The following BBX variants were observed in gnomAD, a reference collection of about 807,000 sequenced individuals.
The protein encoded by BBX is HMG box transcription factor BBX.
BBX carries 30 observed loss-of-function variants against 100.2 expected under a neutral mutation model. The observed-to-expected ratio is 0.30, with a 90% CI of 0.22 to 0.41. The LOEUF is 0.41. Ranked by LOEUF, BBX falls within the 10% of genes least tolerant of loss-of-function variation. The probability of loss-of-function intolerance (pLI) is 1.00; values close to 1 mark genes in which losing one functional copy is unlikely to be tolerated. For synonymous variants in BBX, 376 were observed against 388.1 expected, an observed-to-expected ratio of 0.97 and a Z score of 0.37; for missense variants, 1,023 against 1,129.8, an observed-to-expected ratio of 0.91 and a Z score of 1.35.
intron 3 of BBX, among the ~76,000 whole-genome samples, chr3:107,701,064 A>G (rs1246932269): frequency 6.6e-6 from 1 of 151,964 alleles, no homozygotes; most frequent in African/African-American, 2.4e-5. Flanking sequence ...CCAACAGTGT[A>G]AAAGTGTTCC....
At chr3:107,524,005 CAGAGAGAGAG>C (rs1002857843) in intron 1 of BBX, 2 of 144,598 alleles carry the variant, frequency 1.4e-5, no homozygotes, top group African/African-American at 5.2e-5. Flanking sequence ...GAGAGGGAGA[CAGAGAGAGAG>C]GGAGAGAGAG....
chr3:107,588,923 C>T (rs1275203701), intron 2 of BBX, among the ~76,000 whole-genome samples: 2 of 152,188 alleles, frequency 1.3e-5, no homozygotes, highest in Non-Finnish European at 2.9e-5. Context: ...CTAATCAACA[C>T]CCATGAATAT....
rs1273438441 is a variant in BBX at position 107,575,314 on chromosome 3, A to G, written c.-84+48916A>G. ...AATGATGAGCTATTACTAAATTTAG[A>G]AAATAATTAATATCAGTTCAGATTT... is the stretch of plus-strand genomic sequence containing the variant. On this transcript the variant is annotated intron_variant, in intron 2 of 17. Transcript: ENST00000325805. 2.6e-5 allele frequency among the ~76,000 whole-genome samples: 4 copies of G among 152,224 alleles called. 1 individual carries two copies. The highest frequency in any genetic ancestry group is 3.8e-4 in the East Asian group (2 of 5,204).
intron 12 of BBX, 132 bp from the exon 13 acceptor site, chr3:107,778,239 C>A: frequency 8.9e-7 from 1 of 1,117,862 alleles, no homozygotes; most frequent in East Asian, 2.5e-5. Context: ...TGTTTTTTTC[C>A]TTGCACAGAA....
intron 17 of BBX, among the ~76,000 whole-genome samples, chr3:107,802,895 C>G (rs568102659): frequency 6.6e-6 from 1 of 152,186 alleles, no homozygotes; most frequent in African/African-American, 2.4e-5. Context: ...CCCTAGTCCC[C>G]GGTCCTCTTC....
rs1329555835 is a variant in BBX at position 107,772,981 on chromosome 3, T to C, written c.1260T>C (p.Ser420=). Residue 420 remains serine, a synonymous_variant, in exon 11 of 18, where the codon AGT becomes AGC. Coordinates refer to ENST00000325805, the MANE Select transcript of BBX (RefSeq NM_001142568.3). ...SYSASSKIII[S]DVPSRKDHMC... is the part of the protein sequence containing the mutation. ...CTGCCAGTAGCAAGATAATAATTAG[T>C]GATGTTCCCAGTAGAAAGGATCATA... 6.2e-7 allele frequency: 1 copy of C among 1,613,804 alleles called. No individual in the cohort carries two copies. Among genetic ancestry groups the C allele is most frequent in the African/African-American group, 1.3e-5 (1 of 74,872 alleles).
chr3:107,801,169 C>T lies in BBX; in HGVS notation c.2626C>T (p.His876Tyr). The T allele has an allele frequency of 6.2e-7, 1 of 1,614,222 alleles. No individual in the cohort carries two copies. Among genetic ancestry groups the T allele is most frequent in the Non-Finnish European group, 8.5e-7 (1 of 1,180,032 alleles). ...GACAGACTGCAATGACAAATGCTCA[C>T]ACAACACCGAGGTCGGGGAGACGCG... ...TETDCNDKCSHNTEVGETRSS... is the reference protein window; with the variant it reads ...TETDCNDKCSYNTEVGETRSS... The change falls in exon 17 of 18, where the codon CAC becomes TAC. Residue 876 changes from histidine (H) to tyrosine (Y), a missense_variant. Around this residue, in one of 9 missense-constraint regions of BBX, gnomAD observed 104 missense variants for 132.2 expected, o/e 0.79. Transcript: ENST00000325805.
At chr3:107,565,026 C>T (rs943099505) in intron 2 of BBX, among the ~76,000 whole-genome samples, 1 of 152,092 alleles carries the variant, frequency 6.6e-6, no homozygotes, top group Non-Finnish European at 1.5e-5. Flanking sequence ...AGTTTTTTTC[C>T]TACAAATCTC....
intron 3 of BBX, among the ~76,000 whole-genome samples, chr3:107,651,403 A>G (rs1490714183): frequency 6.6e-6 from 1 of 152,196 alleles, no homozygotes; most frequent in Non-Finnish European, 1.5e-5. Context: ...AATTAAGTCT[A>G]AGAACTTGAA....
chr3:107,565,920 T>C, intron 2 of BBX, among the ~76,000 whole-genome samples: 1 of 151,810 alleles, frequency 6.6e-6, no homozygotes, highest in Non-Finnish European at 1.5e-5. Context: ...ACACCTATAA[T>C]CCTAGCACTT....
intron 2 of BBX, among the ~76,000 whole-genome samples, chr3:107,568,265 ATTT>A (rs36099700): frequency 1.5e-5 from 2 of 131,524 alleles, no homozygotes; most frequent in Non-Finnish European, 3.2e-5. Context: ...ATTTTCTGCT[ATTT>A]TTTTTTTTTT....
At position 107,612,463 on chromosome 3, in the gene BBX, A is replaced by C. The variant is rs565387204; in HGVS notation, c.-83-33373A>C. ...TTGTATCTGTATTAGGGGGCACCTC[A>C]AGCTTAGCAATGCTGTGGTTCTTGC... On this transcript the variant is annotated intron_variant, in intron 2 of 17. Transcript: ENST00000325805. 8.5e-5 allele frequency among the ~76,000 whole-genome samples: 13 copies of C among 152,276 alleles called. No individual in the cohort carries two copies. In the East Asian group the frequency reaches 2.3e-3, roughly 27 times the overall value.
intron 10 of BBX, among the ~76,000 whole-genome samples, chr3:107,759,890 GT>G (rs2065762412): frequency 6.6e-6 from 1 of 152,130 alleles, no homozygotes; most frequent in Admixed American, 6.5e-5. Flanking sequence ...AATTTTGAAT[GT>G]TCTTTAAAAT....
chr3:107,684,675 G>C (rs1041762197), intron 3 of BBX: 2 of 152,182 alleles, frequency 1.3e-5, no homozygotes, highest in Non-Finnish European at 2.9e-5. Context: ...TGAGAGTGGG[G>C]TGCCTAACTG....
At chr3:107,683,320 G>A (rs1036262669) in intron 3 of BBX, among the ~76,000 whole-genome samples, 6 of 152,104 alleles carry the variant, frequency 3.9e-5, no homozygotes, top group African/African-American at 1.4e-4. Context: ...GTGATGTGGT[G>A]TAAACTTGTA....
At chr3:107,577,951 G>GAA (rs918804930) in intron 2 of BBX, among the ~76,000 whole-genome samples, 2 of 152,048 alleles carry the variant, frequency 1.3e-5, no homozygotes, top group African/African-American at 4.8e-5. Context: ...GAAGTAGGGG[G>GAA]AAAAAAACCC....
Position 107,773,599 on chromosome 3 carries a change from G to A in BBX, c.1878G>A (p.Glu626=), listed in dbSNP as rs767458333. 132 of 1,613,412 alleles carry A rather than the reference G, an allele frequency of 8.2e-5. No homozygotes were observed. The highest frequency in any genetic ancestry group is 6.7e-5 in the Admixed American group (4 of 59,924). ...CTCTTTATAAAACCCTGGTGTCTGAGGGCATGCTCACCTCTCTGCGAGCTA... is the reference window on the plus strand; with the variant it reads ...CTCTTTATAAAACCCTGGTGTCTGAAGGCATGCTCACCTCTCTGCGAGCTA... The part of the protein sequence containing the change: ...KGALYKTLVS[E]GMLTSLRANV... The change falls in exon 11 of 18, where the codon GAG becomes GAA. Residue 626 remains glutamate, a synonymous_variant. Transcript: ENST00000325805. This position sits in a 1 kb window ranked among gnomAD's most constrained non-coding sequence, Gnocchi z 4.1.
chr3:107,681,048 A>G (rs550776321), intron 3 of BBX, among the ~76,000 whole-genome samples: 49 of 152,276 alleles, frequency 3.2e-4, no homozygotes, highest in African/African-American at 1.2e-3. Flanking sequence ...TCAAAATGAC[A>G]CCTGAATGGT....
intron 14 of BBX, among the ~76,000 whole-genome samples, chr3:107,790,465 C>G (rs1461552377): frequency 6.6e-6 from 1 of 152,200 alleles, no homozygotes; most frequent in East Asian, 1.9e-4. Flanking sequence ...TGATTGTACT[C>G]TGTCCCCTCT....
Sources: allele counts gnomAD v4.1 joint callset (sites outside exome capture counted in the v4.1 genomes callset), GRCh38; gene constraint gnomAD v4.1.1; regional missense constraint gnomAD v4.1.1; non-coding constraint Gnocchi (gnomAD v3.1); transcripts MANE v1.5; gene names NCBI Gene and HGNC (gene_info 2026-07-23, HGNC 2026-07-21).